Variants in SCO1 observed in about 807,000 individuals in gnomAD.
The protein encoded by SCO1 is synthesis of cytochrome C oxidase 1, also known as cytochrome c oxidase assembly factor SCO1.
SCO1 carries 23 observed loss-of-function variants against 34.0 expected under a neutral mutation model. That is an observed-to-expected ratio of 0.68 (90% CI 0.49 to 0.96). The LOEUF (loss-of-function observed/expected upper bound fraction) is 0.96. Among genes scored for constraint, SCO1 ranks in the 40% least tolerant of loss-of-function variants. SCO1 has a pLI of 0.00. For synonymous variants in SCO1, 161 were observed against 145.5 expected, an observed-to-expected ratio of 1.11 and a Z score of -0.77; for missense variants, 404 against 381.6, an observed-to-expected ratio of 1.06 and a Z score of -0.49.
rs550278694 is a variant in SCO1 at position 10,677,681 on chromosome 17, A to G, written c.*3438T>C. ...CATGAACAGCCAGACACATGAATAC[A>G]TTCATGCCTACTGCATTGATAGGAT... On this transcript the variant is annotated 3_prime_UTR_variant, in exon 6 of 6. Transcript: ENST00000255390. 9 of 152,350 alleles carry G rather than the reference A, an allele frequency of 5.9e-5. No homozygotes were observed. Among genetic ancestry groups the G allele is most frequent in the South Asian group, 2.1e-4 (1 of 4,826 alleles). The allele number at this position is 152,350 out of a possible 1,614,324, so 9.4% of individuals were successfully genotyped here. A position where few individuals can be genotyped will look rare whatever the true frequency, so the allele number is the denominator to read the frequency against.
Position 10,677,515 on chromosome 17 carries a change from CAT to C in SCO1, c.*3602_*3603del, listed in dbSNP as rs2151449412. ...AATATTAATGTCAATTTCTTTTAAA[CAT>C]AAATTTAAGAACAATAAAAGCTATT... On this transcript the variant is annotated 3_prime_UTR_variant, in exon 6 of 6. Transcript: ENST00000255390. 6.6e-6 allele frequency: 1 copy of C among 152,246 alleles called. No individual in the cohort carries two copies. Among genetic ancestry groups the C allele is most frequent in the African/African-American group, 2.4e-5 (1 of 41,564 alleles). 9.4% of individuals were successfully genotyped at this position (152,246 alleles called of 1,614,324 possible). A position where few individuals can be genotyped will look rare whatever the true frequency, so the allele number is the denominator to read the frequency against.
At chr17:10,683,195 C>G (rs2074633136) in intron 5 of SCO1, among the ~76,000 whole-genome samples, 1 of 152,116 alleles carries the variant, frequency 6.6e-6, no homozygotes, top group Non-Finnish European at 1.5e-5. Context: ...AAATTCTCTG[C>G]ATCTACTATG....
chr17:10,682,811 C>T (rs2151452425), intron 5 of SCO1, among the ~76,000 whole-genome samples: 1 of 152,278 alleles, frequency 6.6e-6, no homozygotes, highest in East Asian at 1.9e-4. Flanking sequence ...TTTCACATGT[C>T]ATCTTAAGCC....
rs2074613030 is a variant in SCO1 at position 10,680,254 on chromosome 17, G to A, written c.*865C>T. 6.6e-6 allele frequency: 1 copy of A among 152,344 alleles called. No individual in the cohort carries two copies. Among genetic ancestry groups the A allele is most frequent in the Non-Finnish European group, 1.5e-5 (1 of 68,176 alleles). The allele number at this position is 152,344 out of a possible 1,614,324, so 9.4% of individuals were successfully genotyped here. A position where few individuals can be genotyped will look rare whatever the true frequency, so the allele number is the denominator to read the frequency against. On this transcript the variant is annotated 3_prime_UTR_variant, in exon 6 of 6. Coordinates refer to ENST00000255390, the MANE Select transcript of SCO1 (RefSeq NM_004589.4). The stretch of plus-strand genomic sequence containing the variant: ...CAAGCGTCCCACCCACCTGCCCGCT[G>A]GAGCCTGTGGGTCTCTTTCCTGAGA...
In SCO1 at chr17:10,697,469, C is replaced by T. The variant is rs571473187; in HGVS notation, c.39G>A (p.Arg13=). Residue 13 remains arginine (R), a synonymous_variant, in exon 1 of 6, where the codon CGG becomes CGA. Coordinates refer to ENST00000255390, the MANE Select transcript of SCO1 (RefSeq NM_004589.4). ...MLVLVPGRVM[R]PLGGQLWRFL... ...AGCGCCAAAGTTGGCCACCCAGAGG[C>T]CGCATAACTCGTCCGGGTACTAGGA... The T allele has an allele frequency of 1.2e-6, 2 of 1,613,464 alleles. No individual in the cohort carries two copies. The highest frequency in any genetic ancestry group is 3.3e-5 in the Admixed American group (2 of 60,004).
Position 10,677,628 on chromosome 17 carries a change from C to T in SCO1, c.*3491G>A, listed in dbSNP as rs2074590147. On this transcript the variant is annotated 3_prime_UTR_variant, in exon 6 of 6. Coordinates refer to ENST00000255390, the MANE Select transcript of SCO1 (RefSeq NM_004589.4). ...TTTTACTGGTAGTCAGTAAATCTCA[C>T]CTCTTACACTTAAGATATCAGCTGC... 6.6e-6 allele frequency: 1 copy of T among 152,202 alleles called. No homozygotes were observed. The highest frequency in any genetic ancestry group is 6.5e-5 in the Admixed American group (1 of 15,282). 9.4% of individuals were successfully genotyped at this position (152,202 alleles called of 1,614,324 possible).
chr17:10,695,567 A>G (rs2074715961), intron 2 of SCO1, 174 bp downstream of exon 2: 1 of 570,338 alleles, frequency 1.8e-6, no homozygotes, highest in Non-Finnish European at 3.1e-6. Flanking sequence ...GTTATACAAG[A>G]TGTTAATATT....
At chr17:10,685,602 C>T (rs1003289379) in intron 5 of SCO1, among the ~76,000 whole-genome samples, 2 of 152,182 alleles carry the variant, frequency 1.3e-5, no homozygotes, top group African/African-American at 4.8e-5. Flanking sequence ...ATATTTAACG[C>T]CTAACTGTCC....
intron 5 of SCO1, among the ~76,000 whole-genome samples, chr17:10,686,133 G>A (rs1470089597): frequency 2.0e-5 from 3 of 151,992 alleles, no homozygotes; most frequent in South Asian, 2.1e-4. Flanking sequence ...TCCCAGCTAC[G>A]CGAGAGGCTG....
intron 4 of SCO1, among the ~76,000 whole-genome samples, chr17:10,689,415 CATATAAT>C (rs1352854464): frequency 6.7e-6 from 1 of 148,834 alleles, no homozygotes; most frequent in Non-Finnish European, 1.5e-5. Flanking sequence ...TTGAATGTGT[CATATAAT>C]ATAAATATAA....
In SCO1 at chr17:10,681,103, A is replaced by G; in HGVS notation, c.*16T>C. 6.2e-7 allele frequency: 1 copy of G among 1,614,192 alleles called. No homozygotes were observed. Among genetic ancestry groups the G allele is most frequent in the Non-Finnish European group, 8.5e-7 (1 of 1,180,020 alleles). Reference sequence around the variant, plus strand: ...CTCTTAGCAAGAGAATACTGCATCCAGCAACACTGCTTTGGCTAGCTCTTT... The same window carrying G: ...CTCTTAGCAAGAGAATACTGCATCCGGCAACACTGCTTTGGCTAGCTCTTT... On this transcript the variant is annotated 3_prime_UTR_variant, in exon 6 of 6. Coordinates refer to ENST00000255390, the MANE Select transcript of SCO1 (RefSeq NM_004589.4).
In SCO1 at chr17:10,672,737, CTTAA is replaced by C. The variant is rs1263626086; in HGVS notation, c.*8378_*8381del. On this transcript the variant is annotated 3_prime_UTR_variant, in exon 6 of 6. Coordinates refer to ENST00000255390, the MANE Select transcript of SCO1 (RefSeq NM_004589.4). The stretch of plus-strand genomic sequence containing the variant: ...TTCTCACCAAGGAACAAACTATTTT[CTTAA>C]TTAATAGCTCATCATTTTTTCCAAA... 3 of 152,208 alleles carry C rather than the reference CTTAA, an allele frequency of 2.0e-5. No homozygotes were observed. Among genetic ancestry groups the C allele is most frequent in the Non-Finnish European group, 2.9e-5 (2 of 68,032 alleles). The allele number at this position is 152,208 out of a possible 1,614,324, so 9.4% of individuals were successfully genotyped here.
rs978703784 is a variant in SCO1, at chr17:10,678,850, A to C, written c.*2269T>G. The C allele has an allele frequency of 6.7e-6, 1 of 149,666 alleles. No homozygotes were observed. The highest frequency in any genetic ancestry group is 1.5e-5 in the Non-Finnish European group (1 of 67,760). The allele number at this position is 149,666 out of a possible 1,614,324, so 9.3% of individuals were successfully genotyped here. On this transcript the variant is annotated 3_prime_UTR_variant, in exon 6 of 6. Coordinates refer to ENST00000255390, the MANE Select transcript of SCO1 (RefSeq NM_004589.4). ...GGAGCTTGGAAGGCAAAAATCAAGGAGTCAGCAGGGTTTGTTTTTTTTTTT... is the reference window on the plus strand; with the variant it reads ...GGAGCTTGGAAGGCAAAAATCAAGGCGTCAGCAGGGTTTGTTTTTTTTTTT...
intron 4 of SCO1, among the ~76,000 whole-genome samples, chr17:10,690,737 C>G (rs1279275621): frequency 2.0e-5 from 3 of 152,148 alleles, no homozygotes; most frequent in African/African-American, 4.8e-5. Context: ...GTCTGCATTC[C>G]TATGTTTACC....
chr17:10,679,437 ATACTTT>A lies in SCO1; in HGVS notation c.*1676_*1681del, dbSNP rs995154806. On this transcript the variant is annotated 3_prime_UTR_variant, in exon 6 of 6. Transcript: ENST00000255390. ...TATAACTAGCATAGTTTTTTTTCACATACTTTTACTTTGATATATTTAGGTTTAAGT... is the reference window on the plus strand; with the variant it reads ...TATAACTAGCATAGTTTTTTTTCACATACTTTGATATATTTAGGTTTAAGT... 3.9e-5 allele frequency: 6 copies of A among 152,184 alleles called. No homozygotes were observed. The highest frequency in any genetic ancestry group is 7.4e-5 in the Non-Finnish European group (5 of 68,020). 9.4% of individuals were successfully genotyped at this position (152,184 alleles called of 1,614,324 possible).
At chr17:10,681,642 A>T (rs138321587) in intron 5 of SCO1, among the ~76,000 whole-genome samples, 155 of 152,340 alleles carry the variant, frequency 1.0e-3, no homozygotes, top group African/African-American at 3.6e-3. Flanking sequence ...TTTTTGAGTA[A>T]GATATCTCCT....
chr17:10,694,717 C>CA (rs1020908049), intron 2 of SCO1, among the ~76,000 whole-genome samples: 2 of 151,166 alleles, frequency 1.3e-5, no homozygotes, highest in Admixed American at 6.6e-5. Flanking sequence ...AAACTAAAGT[C>CA]AAAAAAAGCT....
chr17:10,693,738 G>A (rs1449599154), intron 2 of SCO1, among the ~76,000 whole-genome samples: 1 of 152,136 alleles, frequency 6.6e-6, no homozygotes, highest in Admixed American at 6.5e-5. Context: ...GTAAAATGAG[G>A]CTGGAACCTC....
intron 4 of SCO1, among the ~76,000 whole-genome samples, chr17:10,691,214 G>A (rs2074687393): frequency 6.6e-6 from 1 of 152,200 alleles, no homozygotes; most frequent in African/African-American, 2.4e-5. Flanking sequence ...CCGCCTGCCA[G>A]GTTCACGCGA....
Sources: gnomAD v4.1 joint callset for allele counts (sites outside exome capture counted in the v4.1 genomes callset) on GRCh38, gnomAD v4.1.1 for gene constraint, MANE v1.5 for transcripts, NCBI Gene and HGNC (gene_info 2026-07-23, HGNC 2026-07-21) for gene names.